Variants in CPLX2 observed in about 807,000 individuals in gnomAD.
The protein encoded by CPLX2 is complexin-2.
A neutral mutation model predicts 16.3 loss-of-function variants in CPLX2; 5 were observed. That is an observed-to-expected ratio of 0.31 (90% CI 0.16 to 0.64). The LOEUF is 0.64. Ranked by LOEUF, CPLX2 falls within the 30% of genes least tolerant of loss-of-function variation. The pLI is 0.79. For missense variants in CPLX2, 144 were observed against 181.4 expected, an observed-to-expected ratio of 0.79 and a Z score of 1.18; for synonymous variants, 89 against 73.2, an observed-to-expected ratio of 1.22 and a Z score of -1.10.
Position 175,878,998 on chromosome 5 carries a change from T to G in CPLX2, c.122T>G (p.Leu41Arg). Reference sequence around the variant, plus strand: ...AAGGAGGAGGAGCGGCAGGAGGCGCTGCGGCAGCAGGAGGAGGAGCGTAAG... The same window carrying G: ...AAGGAGGAGGAGCGGCAGGAGGCGCGGCGGCAGCAGGAGGAGGAGCGTAAG... Reference protein sequence around the residue: ...QKKEEERQEALRQQEEERKAK... With the variant: ...QKKEEERQEARRQQEEERKAK... Residue 41 changes from leucine to arginine, a missense_variant, in exon 3 of 4, where the codon CTG (leucine) becomes CGG (arginine). By Grantham distance (102) the Leu-to-Arg change is moderately radical (BLOSUM62 -2). Transcript: ENST00000393745. 6.3e-7 allele frequency: 1 copy of G among 1,599,046 alleles called. No homozygotes were observed. The highest frequency in any genetic ancestry group is 8.5e-7 in the Non-Finnish European group (1 of 1,173,328).
chr5:175,811,040 C>T (rs546218544), intron 2 of CPLX2, among the ~76,000 whole-genome samples: 5 of 152,126 alleles, frequency 3.3e-5, no homozygotes, highest in Non-Finnish European at 7.3e-5. Context: ...CTAGCTGGCC[C>T]CTTACTGGTT....
At chr5:175,817,091 C>A (rs1025338669) in intron 2 of CPLX2, among the ~76,000 whole-genome samples, 2 of 152,214 alleles carry the variant, frequency 1.3e-5, no homozygotes, top group Admixed American at 6.5e-5. Context: ...AGACCATGGC[C>A]GATAGCAAGT....
chr5:175,847,602 C>T (rs1323069882), intron 2 of CPLX2, among the ~76,000 whole-genome samples: 1 of 152,246 alleles, frequency 6.6e-6, no homozygotes, highest in Non-Finnish European at 1.5e-5. Flanking sequence ...GGGCATCTTA[C>T]TGCCCTCAAC....
chr5:175,876,115 T>C lies in CPLX2; in HGVS notation c.-88-2537T>C, dbSNP rs1009591672. ...TTTTTTACTTATTTATTGCTTATTT[T>C]CCTACGCATGTGTGCATATACCCCC... On this transcript the variant is annotated intron_variant, in intron 1 of 3. Coordinates refer to ENST00000393745, the MANE Select transcript of CPLX2 (RefSeq NM_001008220.2). Among the ~76,000 whole-genome samples, 4 of 152,140 alleles carry C rather than the reference T, an allele frequency of 2.6e-5. No homozygotes were observed. In the East Asian group the frequency reaches 7.7e-4, roughly 29 times the overall value.
chr5:175,836,242 T>C (rs377182497), intron 2 of CPLX2, among the ~76,000 whole-genome samples: 7 of 151,932 alleles, frequency 4.6e-5, no homozygotes, highest in South Asian at 2.1e-4. Flanking sequence ...CCCAGCTACT[T>C]GGGAGGCTGA....
intron 1 of CPLX2, among the ~76,000 whole-genome samples, chr5:175,873,452 T>C (rs1310678125): frequency 6.6e-6 from 1 of 151,520 alleles, no homozygotes; most frequent in Non-Finnish European, 1.5e-5. Context: ...ACAGGAGAAA[T>C]GAAACAAGAT....
intron 2 of CPLX2, among the ~76,000 whole-genome samples, chr5:175,856,289 G>A (rs149555973): frequency 2.0e-5 from 3 of 152,324 alleles, no homozygotes; most frequent in East Asian, 1.9e-4. Context: ...ACCCAACTGT[G>A]TGCCTCACAT....
chr5:175,821,866 TAC>T (rs747198182), intron 2 of CPLX2, among the ~76,000 whole-genome samples: 9 of 152,246 alleles, frequency 5.9e-5, no homozygotes, highest in Non-Finnish European at 1.0e-4. Flanking sequence ...ATGAGTCATG[TAC>T]CTAAATAAGT....
chr5:175,842,951 T>C (rs1246491176), intron 2 of CPLX2, among the ~76,000 whole-genome samples: 1 of 152,176 alleles, frequency 6.6e-6, no homozygotes, highest in Non-Finnish European at 1.5e-5. Flanking sequence ...GGCGCAACTG[T>C]GAGTCTAGAG....
chr5:175,881,501 A>C lies in CPLX2; in HGVS notation c.*1456A>C, dbSNP rs1371114506. The C allele has an allele frequency of 6.5e-6, 1 of 153,114 alleles. No homozygotes were observed. Among genetic ancestry groups the C allele is most frequent in the Admixed American group, 6.5e-5 (1 of 15,284 alleles). 9.5% of individuals were successfully genotyped at this position (153,114 alleles called of 1,614,324 possible). On this transcript the variant is annotated 3_prime_UTR_variant, in exon 4 of 4. Transcript: ENST00000393745. ...GTATTGGGAGTGATGGGTATGTGTT[A>C]GGTATGTGATGGGTTGTAGAAGCGT... is the stretch of plus-strand genomic sequence containing the variant.
intron 2 of CPLX2, among the ~76,000 whole-genome samples, chr5:175,864,115 G>A (rs1050838354): frequency 6.6e-6 from 1 of 152,182 alleles, no homozygotes; most frequent in Non-Finnish European, 1.5e-5. Context: ...CTGAGGCTAT[G>A]CTGCTATTTC....
intron 2 of CPLX2, among the ~76,000 whole-genome samples, chr5:175,850,113 C>T (rs1408478858): frequency 3.9e-5 from 6 of 151,990 alleles, no homozygotes; most frequent in Non-Finnish European, 8.8e-5. Flanking sequence ...GCTGTTGATG[C>T]TGATCAAAAT....
intron 2 of CPLX2, among the ~76,000 whole-genome samples, chr5:175,846,112 C>T (rs1324500601): frequency 6.6e-6 from 1 of 152,108 alleles, no homozygotes; most frequent in Non-Finnish European, 1.5e-5. Flanking sequence ...TGGCCATGCA[C>T]ACACACAAAC....
intron 2 of CPLX2, among the ~76,000 whole-genome samples, chr5:175,855,794 A>G (rs2113683459): frequency 6.6e-6 from 1 of 152,316 alleles, no homozygotes; most frequent in South Asian, 2.1e-4. Context: ...TTACATGCCA[A>G]TCTCTAGAGC....
At chr5:175,869,039 TA>T (rs1269479936), upstream of CPLX2, among the ~76,000 whole-genome samples, 1 of 152,246 alleles carries the variant, frequency 6.6e-6, no homozygotes, top group Non-Finnish European at 1.5e-5. Flanking sequence ...TTAGTAGTAG[TA>T]TTTTAATCAT....
At chr5:175,860,433 GAAGA>G (rs1371275910) in intron 2 of CPLX2, among the ~76,000 whole-genome samples, 3 of 139,042 alleles carry the variant, frequency 2.2e-5, no homozygotes, top group African/African-American at 5.6e-5. Flanking sequence ...AGGAAGGAAG[GAAGA>G]AAGAGAAAGA....
intron 2 of CPLX2, among the ~76,000 whole-genome samples, chr5:175,819,545 A>G (rs1421495183): frequency 6.6e-6 from 1 of 152,120 alleles, no homozygotes; most frequent in East Asian, 1.9e-4. Context: ...CCTCTTTCCC[A>G]AAGTGTCTAT....
intron 1 of CPLX2, among the ~76,000 whole-genome samples, chr5:175,876,148 C>T (rs958611124): frequency 1.3e-5 from 2 of 152,202 alleles, no homozygotes; most frequent in Non-Finnish European, 1.5e-5. Context: ...CCCACACTCA[C>T]ATACACACAT....
At chr5:175,811,633 G>T (rs1472773081) in intron 2 of CPLX2, among the ~76,000 whole-genome samples, 1 of 152,060 alleles carries the variant, frequency 6.6e-6, no homozygotes, top group African/African-American at 2.4e-5. Context: ...TGGGCCCACC[G>T]AGAGAGAAGC....
Sources: gnomAD v4.1 joint callset for allele counts (sites outside exome capture counted in the v4.1 genomes callset) on GRCh38, gnomAD v4.1.1 for gene constraint, MANE v1.5 for transcripts, NCBI Gene and HGNC (gene_info 2026-07-23, HGNC 2026-07-21) for gene names.